ATG10: variants seen among roughly 807,000 people sequenced by gnomAD.
ATG10 encodes autophagy related 10.
A neutral mutation model predicts 32.1 loss-of-function variants in ATG10; 30 were observed. The observed-to-expected ratio is 0.94, with a 90% CI of 0.70 to 1.27. The LOEUF (loss-of-function observed/expected upper bound fraction) is 1.27, where lower values mean the gene tolerates loss of function less well. Ranked by LOEUF, ATG10 falls within the 50% of genes most tolerant of loss-of-function variation. ATG10 has a pLI of 0.00. For missense variants in ATG10, 233 were observed against 262.3 expected (o/e 0.89, Z 0.77); for synonymous variants, 87 against 91.5 (o/e 0.95, Z 0.28).
At chr5:82,213,371 T>A (rs990457582) in intron 5 of ATG10, among the ~76,000 whole-genome samples, 5 of 152,232 alleles carry the variant, frequency 3.3e-5, no homozygotes, top group African/African-American at 1.2e-4. Flanking sequence ...TAGTCTTACC[T>A]GGTGAGCTTC....
rs186824358 is a variant in ATG10, at chr5:82,051,343, G to T, written c.109-7152G>T. ...TTAAGTGGAATTTAGTATCTGAGAT[G>T]TAACTCCAGCCCTTTCCCCCAAGAA... On this transcript the variant is annotated intron_variant, in intron 2 of 7. Coordinates refer to ENST00000282185, the MANE Select transcript of ATG10 (RefSeq NM_031482.5). Among the ~76,000 whole-genome samples the T allele has an allele frequency of 6.1e-3, 925 of 152,274 alleles. 9 individuals are homozygous for T. The highest frequency in any genetic ancestry group is 0.021 in the African/African-American group (877 of 41,568).
intron 5 of ATG10, among the ~76,000 whole-genome samples, chr5:82,213,018 AT>A (rs1246279714): frequency 6.6e-6 from 1 of 152,184 alleles, no homozygotes; most frequent in Non-Finnish European, 1.5e-5. Flanking sequence ...GGTAGTCCAA[AT>A]AGGATTGATT....
chr5:82,115,662 G>A (rs1765783200), intron 3 of ATG10, among the ~76,000 whole-genome samples: 1 of 152,000 alleles, frequency 6.6e-6, no homozygotes, highest in African/African-American at 2.4e-5. Flanking sequence ...TAAACACATA[G>A]TTCTACACCC....
chr5:82,117,405 GTCAA>G (rs1281161576), intron 3 of ATG10, among the ~76,000 whole-genome samples: 1 of 152,110 alleles, frequency 6.6e-6, no homozygotes, highest in African/African-American at 2.4e-5. Flanking sequence ...CAAGTCATCT[GTCAA>G]TCAACTTTGA....
At chr5:81,981,601 C>A (rs1761050288) in intron 1 of ATG10, among the ~76,000 whole-genome samples, 1 of 152,204 alleles carries the variant, frequency 6.6e-6, no homozygotes, top group Non-Finnish European at 1.5e-5. Flanking sequence ...CTTTATTAGT[C>A]AAAAATGATT....
intron 3 of ATG10, among the ~76,000 whole-genome samples, chr5:82,096,064 A>G (rs1765048287): frequency 6.6e-6 from 1 of 152,188 alleles, no homozygotes. Context: ...AGAAACTAGC[A>G]TTTATTACCA....
At chr5:82,076,757 T>C (rs1764284987) in intron 3 of ATG10, among the ~76,000 whole-genome samples, 1 of 152,184 alleles carries the variant, frequency 6.6e-6, no homozygotes, top group African/African-American at 2.4e-5. Flanking sequence ...GTAGACTAAA[T>C]TGGACTCCCT....
At chr5:82,186,318 T>G (rs192727240) in intron 5 of ATG10, among the ~76,000 whole-genome samples, 13 of 152,358 alleles carry the variant, frequency 8.5e-5, no homozygotes, top group African/African-American at 3.1e-4. Flanking sequence ...GCACAATAAA[T>G]GTATCTACCT....
At chr5:82,188,151 A>T (rs1450564756) in intron 5 of ATG10, among the ~76,000 whole-genome samples, 3 of 152,224 alleles carry the variant, frequency 2.0e-5, no homozygotes, top group African/African-American at 7.2e-5. Context: ...ATATATAGCT[A>T]AACAGGATAT....
chr5:82,207,958 G>C (rs753497800), intron 5 of ATG10, among the ~76,000 whole-genome samples: 5 of 152,136 alleles, frequency 3.3e-5, no homozygotes, highest in African/African-American at 2.4e-5. Context: ...AATTTATTAT[G>C]TTATTTAGAT....
At chr5:82,021,988 A>C (rs1246325865) in intron 2 of ATG10, among the ~76,000 whole-genome samples, 1 of 146,526 alleles carries the variant, frequency 6.8e-6, no homozygotes, top group Admixed American at 7.0e-5. Flanking sequence ...ACGCCATTAC[A>C]CTCCAGCCTG....
chr5:82,034,726 T>C (rs576249527), intron 2 of ATG10, among the ~76,000 whole-genome samples: 1 of 152,256 alleles, frequency 6.6e-6, no homozygotes, highest in African/African-American at 2.4e-5. Context: ...CGGCCCTTCC[T>C]GTTCCCACTA....
At chr5:82,148,594 T>C (rs1456374848) in intron 3 of ATG10, among the ~76,000 whole-genome samples, 1 of 152,196 alleles carries the variant, frequency 6.6e-6, no homozygotes, top group Non-Finnish European at 1.5e-5. Flanking sequence ...ACCTGTAGTT[T>C]TTCTGTTTTT....
chr5:82,151,298 C>T (rs923729635), intron 3 of ATG10, among the ~76,000 whole-genome samples: 3 of 152,142 alleles, frequency 2.0e-5, no homozygotes, highest in African/African-American at 7.2e-5. Context: ...GCAATCTTCC[C>T]TCCTCAGACT....
chr5:82,245,929 GAC>G (rs10585717), intron 5 of ATG10, among the ~76,000 whole-genome samples: 16,110 of 152,142 alleles, frequency 0.11, 1,161 homozygotes, highest in African/African-American at 0.21. Context: ...GGATGCTTCT[GAC>G]ACATTGCTAG....
chr5:82,144,675 G>A (rs1268443094), intron 3 of ATG10, among the ~76,000 whole-genome samples: 2 of 151,880 alleles, frequency 1.3e-5, no homozygotes, highest in African/African-American at 4.8e-5. Context: ...GAGATAGTTT[G>A]TGTGATTTCA....
rs542586072 is a variant in ATG10 at position 82,217,284 on chromosome 5, T to A, written c.454-35278T>A. Among the ~76,000 whole-genome samples, 11 of 152,218 alleles carry A rather than the reference T, an allele frequency of 7.2e-5. No individual in the cohort carries two copies. The East Asian group carries it at 1.9e-3, about 27-fold the overall frequency. On this transcript the variant is annotated intron_variant, in intron 5 of 7. Coordinates refer to ENST00000282185, the MANE Select transcript of ATG10 (RefSeq NM_031482.5). ...CCCTTGGAAATTCAGTGTCCTCCTA[T>A]ATAAAATGGGAGAAATAATGGTGGT...
intron 5 of ATG10, among the ~76,000 whole-genome samples, chr5:82,240,034 G>T (rs1216337509): frequency 6.6e-6 from 1 of 152,164 alleles, no homozygotes; most frequent in African/African-American, 2.4e-5. Flanking sequence ...TGCTGGCAAG[G>T]ATGTAGAGAA....
intron 4 of ATG10, among the ~76,000 whole-genome samples, chr5:82,177,965 A>C (rs573833999): frequency 6.6e-6 from 1 of 152,190 alleles, no homozygotes; most frequent in Non-Finnish European, 1.5e-5. Flanking sequence ...TAGTTTCCTC[A>C]GTAGATGTTA....
Sources: allele counts gnomAD v4.1 joint callset (sites outside exome capture counted in the v4.1 genomes callset), GRCh38; gene constraint gnomAD v4.1.1; transcripts MANE v1.5; gene names NCBI Gene and HGNC (gene_info 2026-07-23, HGNC 2026-07-21).